The following LINGO2 variants were observed in gnomAD, a reference collection of about 807,000 sequenced individuals.
LINGO2 encodes leucine rich repeat and Ig domain containing 2.
Under a neutral mutation model 30.6 loss-of-function variants are expected in LINGO2, and 14 were observed. The observed-to-expected ratio is 0.46, with a 90% CI of 0.30 to 0.72. LINGO2 has a LOEUF of 0.72. LINGO2 is among the 30% of genes least tolerant of loss of function. The pLI, the probability that LINGO2 is intolerant of heterozygous loss-of-function variation, is 0.07. For synonymous variants in LINGO2, 317 were observed against 288.5 expected, an observed-to-expected ratio of 1.10 and a Z score of -1.00; for missense variants, 729 against 751.7, an observed-to-expected ratio of 0.97 and a Z score of 0.35.
chr9:29,131,472 A>C, the LINGO2 span, among the ~76,000 whole-genome samples: 1 of 152,102 alleles, frequency 6.6e-6, no homozygotes, highest in Non-Finnish European at 1.5e-5. Flanking sequence ...ATATACTGCC[A>C]TCCCAATCCC....
chr9:28,437,305 T>G (rs1376958574), intron 2 of LINGO2, among the ~76,000 whole-genome samples: 1 of 152,150 alleles, frequency 6.6e-6, no homozygotes, highest in African/African-American at 2.4e-5. Context: ...CTTTGGACCC[T>G]AGAACTTACA....
chr9:28,858,927 C>T, the LINGO2 span, among the ~76,000 whole-genome samples: 3 of 151,474 alleles, frequency 2.0e-5, no homozygotes, highest in South Asian at 4.2e-4. Flanking sequence ...TTGCGTGTTG[C>T]AAAGCCTCAT....
chr9:28,802,026 C>T, the LINGO2 span, among the ~76,000 whole-genome samples: 2 of 151,518 alleles, frequency 1.3e-5, no homozygotes, highest in Non-Finnish European at 2.9e-5. Context: ...TATATTATAA[C>T]AAAAGTTATG....
At chr9:28,186,101 C>T (rs1285935368) in intron 4 of LINGO2, among the ~76,000 whole-genome samples, 1 of 152,146 alleles carries the variant, frequency 6.6e-6, no homozygotes, top group Non-Finnish European at 1.5e-5. Context: ...TCCCTAGTTC[C>T]TTGTCCTGTC....
chr9:28,733,584 G>A, the LINGO2 span, among the ~76,000 whole-genome samples: 1 of 152,020 alleles, frequency 6.6e-6, no homozygotes, highest in South Asian at 2.1e-4. Context: ...CTTATGATAG[G>A]TCACCTTGAA....
the LINGO2 span, among the ~76,000 whole-genome samples, chr9:28,794,015 A>C: frequency 1.3e-5 from 2 of 152,180 alleles, no homozygotes; most frequent in African/African-American, 4.8e-5. Context: ...TCAAAAACAA[A>C]CAAAACATGA....
the LINGO2 span, among the ~76,000 whole-genome samples, chr9:28,722,066 A>G: frequency 6.6e-6 from 1 of 152,124 alleles, no homozygotes; most frequent in African/African-American, 2.4e-5. Flanking sequence ...TAATAAATGA[A>G]ATTCTGCATA....
chr9:28,194,067 C>G (rs1451839514), intron 4 of LINGO2, among the ~76,000 whole-genome samples: 1 of 152,086 alleles, frequency 6.6e-6, no homozygotes, highest in Non-Finnish European at 1.5e-5. Flanking sequence ...TCACAAATGC[C>G]AGTCCAGTTT....
the LINGO2 span, among the ~76,000 whole-genome samples, chr9:29,205,812 T>C: frequency 6.6e-6 from 1 of 152,234 alleles, no homozygotes; most frequent in Non-Finnish European, 1.5e-5. Flanking sequence ...TACAGATTTG[T>C]GCAACCATCA....
intron 4 of LINGO2, among the ~76,000 whole-genome samples, chr9:28,221,994 T>C (rs1203796551): frequency 6.6e-6 from 1 of 152,222 alleles, no homozygotes; most frequent in Non-Finnish European, 1.5e-5. Context: ...ATTGTATTTG[T>C]ATTATCTTTT....
the LINGO2 span, among the ~76,000 whole-genome samples, chr9:29,138,876 C>A: frequency 1.3e-5 from 2 of 152,138 alleles, no homozygotes; most frequent in Non-Finnish European, 2.9e-5. Context: ...ACCATGATCT[C>A]CACCTGCTGT....
the LINGO2 span, among the ~76,000 whole-genome samples, chr9:28,990,997 G>A: frequency 1.3e-5 from 2 of 152,166 alleles, no homozygotes; most frequent in African/African-American, 4.8e-5. Flanking sequence ...CACTAGCAAT[G>A]GAACAAAGCT....
downstream of LINGO2, among the ~76,000 whole-genome samples, chr9:27,946,201 G>A (rs1447824862): frequency 6.6e-6 from 1 of 152,040 alleles, no homozygotes; most frequent in Non-Finnish European, 1.5e-5. Flanking sequence ...CCTGTTTACA[G>A]GACTTTTCAG....
the LINGO2 span, among the ~76,000 whole-genome samples, chr9:28,868,419 C>A: frequency 5.6e-3 from 844 of 152,034 alleles, 6 homozygotes; most frequent in African/African-American, 0.019. Flanking sequence ...GTGTGTGTGT[C>A]TGCATGCATG....
At chr9:28,125,750 C>T (rs1413260353) in intron 4 of LINGO2, among the ~76,000 whole-genome samples, 3 of 152,140 alleles carry the variant, frequency 2.0e-5, no homozygotes, top group South Asian at 2.1e-4. Flanking sequence ...GTGAGCTGAG[C>T]CCATGAAACT....
At chr9:28,755,663 T>C in the LINGO2 span, among the ~76,000 whole-genome samples, 1 of 152,084 alleles carries the variant, frequency 6.6e-6, no homozygotes, top group Non-Finnish European at 1.5e-5. Context: ...TCCGAGTGAG[T>C]TGTTAAACTA....
chr9:28,537,870 T>TA (rs61437576), intron 1 of LINGO2, among the ~76,000 whole-genome samples: 3,212 of 138,094 alleles, frequency 0.023, 33 homozygotes, highest in Non-Finnish European at 0.028. Flanking sequence ...AGTGTTAAAT[T>TA]AAAAAAAAAA....
chr9:28,935,943 C>G, the LINGO2 span, among the ~76,000 whole-genome samples: 2 of 151,910 alleles, frequency 1.3e-5, no homozygotes, highest in Non-Finnish European at 2.9e-5. Flanking sequence ...GTTCTAGTAG[C>G]TAATTAAAAG....
chr9:29,001,175 T>A, the LINGO2 span, among the ~76,000 whole-genome samples: 3 of 151,864 alleles, frequency 2.0e-5, no homozygotes, highest in African/African-American at 7.2e-5. Context: ...AGTCAAAAAA[T>A]TTTGAAAGCT....
Sources: gnomAD v4.1 joint callset for allele counts (sites outside exome capture counted in the v4.1 genomes callset) on GRCh38, gnomAD v4.1.1 for gene constraint, MANE v1.5 for transcripts, NCBI Gene and HGNC (gene_info 2026-07-23, HGNC 2026-07-21) for gene names.